Variants in PRKN observed in about 807,000 individuals in gnomAD.
PRKN encodes E3 ubiquitin-protein ligase parkin.
In PRKN, 56 loss-of-function variants were observed where a neutral mutation model predicts 59.5. The ratio of observed to expected loss-of-function variants is 0.94; its 90% CI spans 0.76 to 1.18. PRKN has a LOEUF of 1.18. PRKN is among the 50% of genes most tolerant of loss of function. The pLI, the probability that PRKN is intolerant of heterozygous loss-of-function variation, is 0.00. For missense variants in PRKN, 657 were observed against 596.4 expected (o/e 1.10, Z -1.06); for synonymous variants, 250 against 222.1 (o/e 1.13, Z -1.12).
chr6:162,092,421 C>A (rs573414419), intron 4 of PRKN, among the ~76,000 whole-genome samples: 1 of 152,086 alleles, frequency 6.6e-6, no homozygotes, highest in African/African-American at 2.4e-5. Flanking sequence ...TTTGTTTTGA[C>A]GAAGTAACAT....
chr6:162,338,295 G>A (rs1783942665), intron 2 of PRKN, among the ~76,000 whole-genome samples: 1 of 152,088 alleles, frequency 6.6e-6, no homozygotes. Context: ...TCTTTCCACG[G>A]TCTCCCTCTC....
In PRKN at chr6:161,714,094, G is replaced by A. The variant is rs75986782; in HGVS notation, c.871+71678C>T. On this transcript the variant is annotated intron_variant, in intron 7 of 11. Transcript: ENST00000366898. ...ATGTCTTTATTGGCAACGTGAGAAC[G>A]ACGGATACACACGGTGATTCACAGT... Among the ~76,000 whole-genome samples, 216 of 152,194 alleles carry A rather than the reference G, an allele frequency of 1.4e-3. 1 individual carries two copies. Among genetic ancestry groups the A allele is most frequent in the East Asian group, 7.5e-3 (39 of 5,178 alleles).
At position 161,623,436 on chromosome 6, in the gene PRKN, G is replaced by A. The variant is rs563178122; in HGVS notation, c.872-54020C>T. Among the ~76,000 whole-genome samples the A allele has an allele frequency of 9.2e-5, 14 of 152,344 alleles. No individual in the cohort carries two copies. In the South Asian group the frequency reaches 1.0e-3, roughly 11 times the overall value. ...AAATATGGGTATATACACTTCCAGT[G>A]TCACATTATTCAGGATGTCTTTTTA... On this transcript the variant is annotated intron_variant, in intron 7 of 11. Transcript: ENST00000366898.
At chr6:162,248,729 C>T (rs1250192804) in intron 3 of PRKN, among the ~76,000 whole-genome samples, 2 of 152,094 alleles carry the variant, frequency 1.3e-5, no homozygotes, top group Non-Finnish European at 1.5e-5. Context: ...CAATTAATTA[C>T]ACAAGAACAA....
At chr6:162,616,296 C>G (rs2803048) in intron 1 of PRKN, among the ~76,000 whole-genome samples, 92,512 of 151,398 alleles carry the variant, frequency 0.61, 28,947 homozygotes, top group African/African-American at 0.75. Flanking sequence ...GGGAGCTTGC[C>G]TACTTTATTC....
At chr6:162,083,626 C>T (rs1779145886) in intron 4 of PRKN, among the ~76,000 whole-genome samples, 1 of 151,902 alleles carries the variant, frequency 6.6e-6, no homozygotes, top group South Asian at 2.1e-4. Flanking sequence ...CTAAACAGGT[C>T]CTCCTGTCTA....
chr6:162,366,945 C>A (rs959744550), intron 2 of PRKN, among the ~76,000 whole-genome samples: 3 of 152,114 alleles, frequency 2.0e-5, no homozygotes, highest in Non-Finnish European at 4.4e-5. Context: ...TTCCCTTATA[C>A]AACATTCCCT....
chr6:161,812,848 A>C (rs981824277), intron 6 of PRKN, among the ~76,000 whole-genome samples: 16 of 152,260 alleles, frequency 1.1e-4, no homozygotes, highest in African/African-American at 3.9e-4. Context: ...AGTTTCTTTA[A>C]AAATTGAATA....
At chr6:162,582,844 T>C (rs34931503) in intron 1 of PRKN, among the ~76,000 whole-genome samples, 15,582 of 152,168 alleles carry the variant, frequency 0.1, 943 homozygotes, top group Middle Eastern at 0.19. Flanking sequence ...AGCCTTTAAG[T>C]TCTTACTTTG....
At chr6:162,308,288 A>G (rs1782323621) in intron 2 of PRKN, among the ~76,000 whole-genome samples, 1 of 152,212 alleles carries the variant, frequency 6.6e-6, no homozygotes, top group South Asian at 2.1e-4. Flanking sequence ...TAAGAAAGAA[A>G]AGTCAAAAAT....
chr6:161,623,735 T>G (rs1433648696), intron 7 of PRKN, among the ~76,000 whole-genome samples: 2 of 152,198 alleles, frequency 1.3e-5, no homozygotes, highest in Non-Finnish European at 2.9e-5. Context: ...TGAAACTACA[T>G]TGGTTTTGCA....
At position 161,757,705 on chromosome 6, in the gene PRKN, G is replaced by C. The variant is rs563777760; in HGVS notation, c.871+28067C>G. ...ATACAAAAATTAGCTGGGCATGGTGGCGTGTGCCTGTAATCCCAGCTACTC... is the reference window on the plus strand; with the variant it reads ...ATACAAAAATTAGCTGGGCATGGTGCCGTGTGCCTGTAATCCCAGCTACTC... On this transcript the variant is annotated intron_variant, in intron 7 of 11. Coordinates refer to ENST00000366898, the MANE Select transcript of PRKN (RefSeq NM_004562.3). Among the ~76,000 whole-genome samples the C allele has an allele frequency of 3.3e-5, 5 of 151,902 alleles. No homozygotes were observed. The East Asian group carries it at 9.7e-4, about 30-fold the overall frequency.
intron 6 of PRKN, among the ~76,000 whole-genome samples, chr6:161,787,818 C>T (rs1171606834): frequency 1.3e-5 from 2 of 152,124 alleles, no homozygotes; most frequent in Non-Finnish European, 2.9e-5. Context: ...TGGTGGCGGG[C>T]GCCTGTAATC....
intron 3 of PRKN, among the ~76,000 whole-genome samples, chr6:162,220,069 A>G (rs968062936): frequency 1.3e-5 from 2 of 152,144 alleles, no homozygotes; most frequent in African/African-American, 4.8e-5. Flanking sequence ...CTATAGATAT[A>G]CAGAAGAATG....
intron 4 of PRKN, among the ~76,000 whole-genome samples, chr6:162,176,932 T>TTG (rs1011186633): frequency 6.6e-6 from 1 of 151,264 alleles, no homozygotes; most frequent in Non-Finnish European, 1.5e-5. Flanking sequence ...GAAATTCCTT[T>TTG]TTTTTTTTTT....
chr6:162,363,140 A>G lies in PRKN; in HGVS notation c.171+80170T>C, dbSNP rs1436299892. Among the ~76,000 whole-genome samples, 2 of 145,548 alleles carry G rather than the reference A, an allele frequency of 1.4e-5. 1 individual carries two copies. ...GAGACTCCTTCTCAAACAAAAAAAA[A>G]AAAAAAAAAAAAAAAAATTGTCTCC... On this transcript the variant is annotated intron_variant, in intron 2 of 11. Transcript: ENST00000366898.
At chr6:161,927,967 T>G (rs1383029082) in intron 6 of PRKN, among the ~76,000 whole-genome samples, 2 of 152,162 alleles carry the variant, frequency 1.3e-5, no homozygotes, top group Non-Finnish European at 2.9e-5. Context: ...GACCAAATAT[T>G]TGTTCCTTCC....
In PRKN at chr6:161,875,011, T is replaced by TAAAAATATAA. The variant is rs1562356903; in HGVS notation, c.735-89104_735-89103insTTATATTTTT. Reference sequence around the variant, plus strand: ...TACTTTATATATAATATATTATATATTATATATAAAGTATATAATATAATA... The same window carrying TAAAAATATAA: ...TACTTTATATATAATATATTATATATAAAAATATAATATATATAAAGTATATAATATAATA... On this transcript the variant is annotated intron_variant, in intron 6 of 11. Coordinates refer to ENST00000366898, the MANE Select transcript of PRKN (RefSeq NM_004562.3). 1.3e-4 allele frequency among the ~76,000 whole-genome samples: 12 copies of TAAAAATATAA among 95,332 alleles called. No individual in the cohort carries two copies. The East Asian group carries it at 3.7e-3, about 29-fold the overall frequency. The allele number at this position is 95,332 out of a possible 152,430, so 62.5% of individuals were successfully genotyped here. A position where few individuals can be genotyped will look rare whatever the true frequency, so the allele number is the denominator to read the frequency against.
At chr6:162,367,072 T>C (rs902717043) in intron 2 of PRKN, among the ~76,000 whole-genome samples, 10 of 152,094 alleles carry the variant, frequency 6.6e-5, no homozygotes, top group African/African-American at 2.4e-4. Context: ...GGGAGGTAGT[T>C]GAATCCTGAG....
Sources: allele counts gnomAD v4.1 joint callset (sites outside exome capture counted in the v4.1 genomes callset), GRCh38; gene constraint gnomAD v4.1.1; transcripts MANE v1.5; gene names NCBI Gene and HGNC (gene_info 2026-07-23, HGNC 2026-07-21).